SOCS2: variants seen among roughly 807,000 people sequenced by gnomAD.
The protein encoded by SOCS2 is suppressor of cytokine signaling 2.
A neutral mutation model predicts 18.6 loss-of-function variants in SOCS2; 10 were observed. The ratio of observed to expected loss-of-function variants is 0.54; its 90% CI spans 0.33 to 0.91. The LOEUF (loss-of-function observed/expected upper bound fraction) is 0.91, where lower values mean the gene tolerates loss of function less well. Ranked by LOEUF, SOCS2 falls within the 40% of genes least tolerant of loss-of-function variation. The probability of loss-of-function intolerance (pLI) is 0.02; values close to 1 mark genes in which losing one functional copy is unlikely to be tolerated. For missense variants in SOCS2, 231 were observed against 247.2 expected, an observed-to-expected ratio of 0.93 and a Z score of 0.44; for synonymous variants, 104 against 104.0, an observed-to-expected ratio of 1.00 and a Z score of 0.00.
the SOCS2 span, among the ~76,000 whole-genome samples, chr12:93,605,063 T>C: frequency 3.3e-5 from 5 of 152,058 alleles, no homozygotes; most frequent in Admixed American, 3.3e-4. Flanking sequence ...AGTAGTCTTG[T>C]AATGTTATAT....
At chr12:93,590,234 C>CAA in the SOCS2 span, among the ~76,000 whole-genome samples, 6 of 129,604 alleles carry the variant, frequency 4.6e-5, no homozygotes, top group African/African-American at 1.7e-4. Context: ...GACTCAGTCT[C>CAA]AAAAAAAAAA....
the SOCS2 span, among the ~76,000 whole-genome samples, chr12:93,624,163 A>G: frequency 2.0e-5 from 3 of 152,206 alleles, no homozygotes; most frequent in South Asian, 6.2e-4. Context: ...CATCCCTTCC[A>G]CCACATGAGG....
chr12:93,605,994 G>T, the SOCS2 span, among the ~76,000 whole-genome samples: 1 of 152,214 alleles, frequency 6.6e-6, no homozygotes, highest in Non-Finnish European at 1.5e-5. Flanking sequence ...TCACTCACAT[G>T]ACAGTCTGGA....
the SOCS2 span, among the ~76,000 whole-genome samples, chr12:93,620,912 C>A: frequency 1.3e-5 from 2 of 152,264 alleles, no homozygotes; most frequent in East Asian, 3.9e-4. Context: ...TAGATGGATA[C>A]CTTTGGGAAG....
At chr12:93,579,862 G>T (rs1450272405), downstream of SOCS2, among the ~76,000 whole-genome samples, 2 of 152,142 alleles carry the variant, frequency 1.3e-5, no homozygotes, top group Admixed American at 1.3e-4. Flanking sequence ...ACAGAGAATA[G>T]GACTTACTTC....
In SOCS2 at chr12:93,574,747, T is replaced by A; in HGVS notation, c.165T>A (p.Val55=). The A allele has an allele frequency of 6.2e-7, 1 of 1,613,522 alleles. No homozygotes were observed. The highest frequency in any genetic ancestry group is 8.5e-7 in the Non-Finnish European group (1 of 1,179,706). Residue 55 remains valine (V), a synonymous_variant, in exon 2 of 2, where the codon GTT becomes GTA. Transcript: ENST00000551556. Reference sequence around the variant, plus strand: ...GATGGTACTGGGGAAGTATGACTGTTAATGAAGCCAAAGAGAAATTAAAAG... The same window carrying A: ...GATGGTACTGGGGAAGTATGACTGTAAATGAAGCCAAAGAGAAATTAAAAG... ...QTGWYWGSMT[V]NEAKEKLKEA...
At chr12:93,598,238 A>G in the SOCS2 span, among the ~76,000 whole-genome samples, 1 of 152,136 alleles carries the variant, frequency 6.6e-6, no homozygotes. Context: ...CGTAAGGATG[A>G]GTTTGGTTTG....
the SOCS2 span, among the ~76,000 whole-genome samples, chr12:93,597,589 T>G: frequency 1.5e-4 from 23 of 152,182 alleles, no homozygotes; most frequent in African/African-American, 5.6e-4. Flanking sequence ...GTGCTGAGAT[T>G]ACAGGTGTGA....
chr12:93,624,537 A>G, the SOCS2 span, among the ~76,000 whole-genome samples: 4 of 151,652 alleles, frequency 2.6e-5, no homozygotes, highest in Non-Finnish European at 5.9e-5. Context: ...GCACCACTGC[A>G]CTCAGCCTGG....
At chr12:93,578,325 GAGGGT>G (rs1954494095), downstream of SOCS2, among the ~76,000 whole-genome samples, 1 of 152,148 alleles carries the variant, frequency 6.6e-6, no homozygotes, top group African/African-American at 2.4e-5. Context: ...ACCCTGTTAG[GAGGGT>G]AGGAGACAGA....
chr12:93,574,852 T>A lies in SOCS2; in HGVS notation c.270T>A (p.Ala90=). Residue 90 remains alanine (A), a synonymous_variant, in exon 2 of 2, where the codon GCT becomes GCA. Transcript: ENST00000551556. ...YLLTISVKTS[A]GPTNLRIEYQ... Reference sequence around the variant, plus strand: ...TAACAATATCTGTTAAAACATCAGCTGGACCAACTAATCTTCGAATCGAAT... The same window carrying A: ...TAACAATATCTGTTAAAACATCAGCAGGACCAACTAATCTTCGAATCGAAT... 1.2e-6 allele frequency: 2 copies of A among 1,614,220 alleles called. No individual in the cohort carries two copies. The highest frequency in any genetic ancestry group is 1.7e-6 in the Non-Finnish European group (2 of 1,180,046).
chr12:93,586,392 TAG>T (rs1346532532), downstream of SOCS2, among the ~76,000 whole-genome samples: 10 of 152,242 alleles, frequency 6.6e-5, no homozygotes, highest in African/African-American at 2.2e-4. Context: ...TCAGGCACAT[TAG>T]AGAGTAAATG....
chr12:93,594,194 A>G, the SOCS2 span, among the ~76,000 whole-genome samples: 1 of 152,358 alleles, frequency 6.6e-6, no homozygotes, highest in African/African-American at 2.4e-5. Context: ...ACACACATCC[A>G]TTTTTATAAT....
rs770812619 is a variant in SOCS2 at position 93,573,041 on chromosome 12, G to A, written c.139+5G>A. On this transcript the variant is annotated splice_donor_5th_base_variant and intron_variant, in intron 1 of 1. Coordinates refer to ENST00000551556, the MANE Select transcript of SOCS2 (RefSeq NM_001270471.2). ...TGCGGGAGCTCGGTCAGACAGGTAG[G>A]GAGCCGATCGGCCGCGACGCGTGCG... 1 of 1,561,034 alleles carries A rather than the reference G, an allele frequency of 6.4e-7. No homozygotes were observed. Among genetic ancestry groups the A allele is most frequent in the South Asian group, 1.2e-5 (1 of 85,614 alleles).
downstream of SOCS2, among the ~76,000 whole-genome samples, chr12:93,580,574 T>C (rs1357162772): frequency 1.5e-5 from 2 of 134,112 alleles, no homozygotes; most frequent in African/African-American, 5.9e-5. Flanking sequence ...TGAGCGGCAA[T>C]CTTACCACTG....
chr12:93,613,115 T>G, the SOCS2 span, among the ~76,000 whole-genome samples: 1 of 152,186 alleles, frequency 6.6e-6, no homozygotes, highest in African/African-American at 2.4e-5. Flanking sequence ...GAAAGGGCAA[T>G]GCCAAGGAAC....
downstream of SOCS2, among the ~76,000 whole-genome samples, chr12:93,579,528 GAATAAA>G (rs1402104998): frequency 6.6e-6 from 1 of 152,068 alleles, no homozygotes; most frequent in African/African-American, 2.4e-5. Flanking sequence ...CATTTGCACG[GAATAAA>G]AATGCCCTCC....
downstream of SOCS2, among the ~76,000 whole-genome samples, chr12:93,587,843 AC>A (rs1179394412): frequency 1.1e-4 from 16 of 152,282 alleles, no homozygotes; most frequent in East Asian, 3.1e-3. Flanking sequence ...CTAGGAGATA[AC>A]CCTAAGTTGG....
At chr12:93,588,913 C>T in the SOCS2 span, among the ~76,000 whole-genome samples, 1 of 152,138 alleles carries the variant, frequency 6.6e-6, no homozygotes, top group East Asian at 1.9e-4. Flanking sequence ...TGAGCCACCG[C>T]GCCTGGCCTG....
Sources: allele counts gnomAD v4.1 joint callset (sites outside exome capture counted in the v4.1 genomes callset), GRCh38; gene constraint gnomAD v4.1.1; transcripts MANE v1.5; gene names NCBI Gene and HGNC (gene_info 2026-07-23, HGNC 2026-07-21).